Variants in WNT5A observed in about 807,000 individuals in gnomAD.
WNT5A encodes the protein Wnt family member 5A.
WNT5A carries 9 observed loss-of-function variants against 42.1 expected under a neutral mutation model. That is an observed-to-expected ratio of 0.21 (90% CI 0.13 to 0.37). The LOEUF (loss-of-function observed/expected upper bound fraction) is 0.37, where lower values mean the gene tolerates loss of function less well. Among genes scored for constraint, WNT5A ranks in the 10% least tolerant of loss-of-function variants. The probability of loss-of-function intolerance (pLI) is 1.00; values close to 1 mark genes in which losing one functional copy is unlikely to be tolerated. For missense variants in WNT5A, 426 were observed against 534.0 expected (o/e 0.80, Z 1.99); for synonymous variants, 210 against 210.0 (o/e 1.00, Z 0.00).
In WNT5A at chr3:55,470,512, A is replaced by G; in HGVS notation, c.723T>C (p.His241=). The G allele has an allele frequency of 6.3e-7, 1 of 1,587,820 alleles. No homozygotes were observed. Among genetic ancestry groups the G allele is most frequent in the Non-Finnish European group, 8.6e-7 (1 of 1,166,034 alleles). The part of the protein sequence containing the change: ...YNLADVACKC[H]GVSGSCSLKT... ...TCAGGCTACATGAGCCGGACACCCC[A>G]TGGCACTTGCAGGCCACATCAGCCA... Residue 241 remains histidine, a synonymous_variant, in exon 5 of 5, where the codon CAT becomes CAC. Transcript: ENST00000264634.
chr3:55,477,476 A>G (rs533823705), intron 3 of WNT5A, among the ~76,000 whole-genome samples: 1 of 152,204 alleles, frequency 6.6e-6, no homozygotes, highest in East Asian at 1.9e-4. Flanking sequence ...TGACTTGATG[A>G]TAGTATCTAG....
In WNT5A at chr3:55,486,994, G is replaced by T; in HGVS notation, c.-9C>A. ...TGAACACCTACCTTCATGGCGAGGG[G>T]GAGGGGGCGCGGGGAGGAAGTCGCC... On this transcript the variant is annotated 5_prime_UTR_variant, in exon 1 of 5. Coordinates refer to ENST00000264634, the MANE Select transcript of WNT5A (RefSeq NM_003392.7). 2 of 1,611,604 alleles carry T rather than the reference G, an allele frequency of 1.2e-6. No individual in the cohort carries two copies. Among genetic ancestry groups the T allele is most frequent in the Non-Finnish European group, 1.7e-6 (2 of 1,178,682 alleles).
chr3:55,477,806 A>T (rs2051384930), intron 3 of WNT5A, among the ~76,000 whole-genome samples: 2 of 152,226 alleles, frequency 1.3e-5, no homozygotes, highest in Admixed American at 1.3e-4. Context: ...GACTACACAG[A>T]TAAACAGTTC....
chr3:55,480,065 C>G (rs2051429775), intron 2 of WNT5A, among the ~76,000 whole-genome samples: 1 of 152,118 alleles, frequency 6.6e-6, no homozygotes, highest in Non-Finnish European at 1.5e-5. Flanking sequence ...CACCATGTTT[C>G]TTGACATTTT....
intron 4 of WNT5A, among the ~76,000 whole-genome samples, 176 bp downstream of exon 4, chr3:55,474,161 C>T (rs1278357455): frequency 6.6e-6 from 1 of 151,930 alleles, no homozygotes; most frequent in East Asian, 1.9e-4. Flanking sequence ...AGGAAAGAGA[C>T]AGGAAAGACA....
rs3821658 is a variant in WNT5A, at chr3:55,474,047, C to T, written c.684+290G>A. Among the ~76,000 whole-genome samples, 30,486 of 151,364 alleles carry T rather than the reference C, an allele frequency of 0.2. 3,509 individuals carry two copies. The highest frequency in any genetic ancestry group is 0.27 in the Non-Finnish European group (18,297 of 67,854). Reference sequence around the variant, plus strand: ...GGATGTGCAGGGGCAACTATGGAGACAGATGGAGGAAAGAGAGGTAGACAA... The same window carrying T: ...GGATGTGCAGGGGCAACTATGGAGATAGATGGAGGAAAGAGAGGTAGACAA... On this transcript the variant is annotated intron_variant, in intron 4 of 4. Transcript: ENST00000264634.
chr3:55,494,624 T>C (rs2051695831), upstream of WNT5A, among the ~76,000 whole-genome samples: 1 of 152,162 alleles, frequency 6.6e-6, no homozygotes, highest in Non-Finnish European at 1.5e-5. Flanking sequence ...CTACAACCTC[T>C]GCCCCCCAGG....
At chr3:55,489,201 AC>A (rs1300477630), upstream of WNT5A, 1 of 152,012 alleles carries the variant, frequency 6.6e-6, no homozygotes, top group African/African-American at 2.4e-5. Context: ...CGAGGGCCCC[AC>A]CCCACAAACA....
At chr3:55,499,364 C>A in the WNT5A span, among the ~76,000 whole-genome samples, 1 of 152,090 alleles carries the variant, frequency 6.6e-6, no homozygotes, top group African/African-American at 2.4e-5. Context: ...GAATGCAAAG[C>A]GGGAAGACAG....
the WNT5A span, chr3:55,497,546 A>C: frequency 6.6e-6 from 1 of 152,242 alleles, no homozygotes; most frequent in Admixed American, 6.5e-5. Context: ...ACCCCACAGC[A>C]AATACAATTT....
chr3:55,480,812 T>C lies in WNT5A; in HGVS notation c.113A>G (p.Gln38Arg). Residue 38 changes from glutamine (Q) to arginine (R), a missense_variant, in exon 2 of 5, where the codon CAG (glutamine) becomes CGG (arginine). Gln to Arg is a conservative substitution (Grantham distance 43). Coordinates refer to ENST00000264634, the MANE Select transcript of WNT5A (RefSeq NM_003392.7). Reference sequence around the variant, plus strand: ...CCAAGAATTGGCTTCAATTACAACCTGGGCGAAGGAGAAAAATATGGCCAA... The same window carrying C: ...CCAAGAATTGGCTTCAATTACAACCCGGGCGAAGGAGAAAAATATGGCCAA... ...VALAIFFSFA[Q>R]VVIEANSWWS... 1 of 1,572,076 alleles carries C rather than the reference T, an allele frequency of 6.4e-7. No individual in the cohort carries two copies. The highest frequency in any genetic ancestry group is 8.6e-7 in the Non-Finnish European group (1 of 1,158,016).
chr3:55,470,990 A>C (rs182136156), intron 4 of WNT5A, among the ~76,000 whole-genome samples: 10 of 152,190 alleles, frequency 6.6e-5, no homozygotes, highest in Admixed American at 6.5e-4. Flanking sequence ...CACTCACCCA[A>C]CTCCCGGGGA....
In WNT5A at chr3:55,469,902, T is replaced by A. The variant is rs2051213270; in HGVS notation, c.*190A>T. On this transcript the variant is annotated 3_prime_UTR_variant, in exon 5 of 5. Coordinates refer to ENST00000264634, the MANE Select transcript of WNT5A (RefSeq NM_003392.7). ...TTTTTCTTGGTTCCCACCCCCATTA[T>A]TGCCAAATAATAATTATAATATTAA... The A allele has an allele frequency of 1.8e-6, 1 of 570,680 alleles. No individual in the cohort carries two copies. The highest frequency in any genetic ancestry group is 2.9e-6 in the Non-Finnish European group (1 of 339,794). 35.4% of individuals were successfully genotyped at this position (570,680 alleles called of 1,614,324 possible).
At chr3:55,494,361 C>G (rs1293992421), upstream of WNT5A, among the ~76,000 whole-genome samples, 1 of 152,068 alleles carries the variant, frequency 6.6e-6, no homozygotes, top group East Asian at 1.9e-4. Flanking sequence ...AGTCCATTCT[C>G]CGGAAGGGAA....
At position 55,470,200 on chromosome 3, in the gene WNT5A, G is replaced by A. The variant is rs1391787102; in HGVS notation, c.1035C>T (p.Asp345=). ...CELMCCGRGY[D]QFKTVQTERC... ...GCTCCGTCTGCACGGTCTTGAACTG[G>A]TCGTAGCCACGGCCGCAGCACATGA... Residue 345 remains aspartate, a synonymous_variant, in exon 5 of 5, where the codon GAC becomes GAT. Transcript: ENST00000264634. The A allele has an allele frequency of 2.5e-6, 4 of 1,613,926 alleles. No homozygotes were observed. The East Asian group carries it at 8.9e-5, about 36-fold the overall frequency.
chr3:55,472,380 C>G (rs193153897), intron 4 of WNT5A, among the ~76,000 whole-genome samples: 2 of 152,180 alleles, frequency 1.3e-5, no homozygotes, highest in Admixed American at 6.5e-5. Context: ...TATGGGCATA[C>G]CCCTGGATAG....
the WNT5A span, chr3:55,497,601 C>T: frequency 6.6e-6 from 1 of 152,226 alleles, no homozygotes; most frequent in African/African-American, 2.4e-5. Context: ...CTGTGCTGAG[C>T]ATTTTACATA....
Position 55,467,192 on chromosome 3 carries a change from A to C in WNT5A, c.*2900T>G, listed in dbSNP as rs570664278. ...CAATAGTTGCAGTGGTAAACACACA[A>C]AAAAATACATTTTTTTGGACTAAAA... On this transcript the variant is annotated 3_prime_UTR_variant, in exon 5 of 5. Coordinates refer to ENST00000264634, the MANE Select transcript of WNT5A (RefSeq NM_003392.7). 2.0e-5 allele frequency: 3 copies of C among 152,580 alleles called. No individual in the cohort carries two copies. Among genetic ancestry groups the C allele is most frequent in the East Asian group, 1.9e-4 (1 of 5,178 alleles). The allele number at this position is 152,580 out of a possible 1,614,324, so 9.5% of individuals were successfully genotyped here. A position where few individuals can be genotyped will look rare whatever the true frequency, so the allele number is the denominator to read the frequency against.
intron 4 of WNT5A, among the ~76,000 whole-genome samples, chr3:55,471,793 T>C (rs1358164693): frequency 1.3e-5 from 2 of 152,058 alleles, no homozygotes; most frequent in Admixed American, 6.5e-5. Context: ...CCCTCCAGAG[T>C]CCACGTGGTG....
Sources: gnomAD v4.1 joint callset for allele counts (sites outside exome capture counted in the v4.1 genomes callset) on GRCh38, gnomAD v4.1.1 for gene constraint, MANE v1.5 for transcripts, NCBI Gene and HGNC (gene_info 2026-07-23, HGNC 2026-07-21) for gene names.